Variants in RBFOX1 observed in about 807,000 individuals in gnomAD.
The protein encoded by RBFOX1 is RNA binding protein fox-1 homolog 1.
RBFOX1 carries 8 observed loss-of-function variants against 57.7 expected under a neutral mutation model. The ratio of observed to expected loss-of-function variants is 0.14; its 90% CI spans 0.08 to 0.25. The LOEUF (loss-of-function observed/expected upper bound fraction) is 0.25, where lower values mean the gene tolerates loss of function less well. Ranked by LOEUF, RBFOX1 falls within the 10% of genes least tolerant of loss-of-function variation. The probability of loss-of-function intolerance (pLI) is 1.00; values close to 1 mark genes in which losing one functional copy is unlikely to be tolerated. For missense variants in RBFOX1, 611 were observed against 548.5 expected, an observed-to-expected ratio of 1.11 and a Z score of -1.14; for synonymous variants, 326 against 222.4, an observed-to-expected ratio of 1.47 and a Z score of -4.15.
intron 3 of RBFOX1, among the ~76,000 whole-genome samples, chr16:5,753,121 C>G (rs2053270392): frequency 6.6e-6 from 1 of 151,854 alleles, no homozygotes; most frequent in Non-Finnish European, 1.5e-5. Flanking sequence ...GATCACACCA[C>G]TGCACTCCAG....
chr16:7,183,759 C>T (rs1433685067), intron 4 of RBFOX1, among the ~76,000 whole-genome samples: 3 of 152,178 alleles, frequency 2.0e-5, no homozygotes, highest in Non-Finnish European at 4.4e-5. Context: ...ATTGATAAAG[C>T]TTAGGAGGAC....
chr16:6,647,395 C>G (rs115263582), intron 2 of RBFOX1, among the ~76,000 whole-genome samples: 159 of 152,248 alleles, frequency 1.0e-3, no homozygotes, highest in African/African-American at 3.6e-3. Flanking sequence ...TAGATGCCCA[C>G]CACCATGCCT....
intron 3 of RBFOX1, among the ~76,000 whole-genome samples, chr16:7,022,645 G>A (rs1172373710): frequency 6.6e-6 from 1 of 152,000 alleles, no homozygotes; most frequent in Non-Finnish European, 1.5e-5. Context: ...GATATATTAG[G>A]CCCATCCCCG....
chr16:7,377,465 C>T (rs1426375816), intron 4 of RBFOX1, among the ~76,000 whole-genome samples: 1 of 152,190 alleles, frequency 6.6e-6, no homozygotes, highest in Non-Finnish European at 1.5e-5. Context: ...TTCAATATGA[C>T]AGCTTGGCTA....
chr16:6,793,190 T>C (rs533013741), intron 3 of RBFOX1, among the ~76,000 whole-genome samples: 13 of 152,202 alleles, frequency 8.5e-5, no homozygotes, highest in Non-Finnish European at 1.9e-4. Context: ...ATCCTGTTGA[T>C]CAAACAGTAT....
chr16:5,336,338 C>T (rs1414757146), intron 1 of RBFOX1, among the ~76,000 whole-genome samples: 2 of 152,122 alleles, frequency 1.3e-5, no homozygotes, highest in Admixed American at 1.3e-4. Context: ...ACAGGCTGTT[C>T]CTCATTATTT....
At chr16:6,132,244 C>T (rs1156946142) in intron 1 of RBFOX1, among the ~76,000 whole-genome samples, 2 of 152,180 alleles carry the variant, frequency 1.3e-5, no homozygotes, top group Non-Finnish European at 2.9e-5. Context: ...CAAGTATTCC[C>T]TTGGCTCTTC....
chr16:7,471,132 T>A (rs2061483128), intron 4 of RBFOX1, among the ~76,000 whole-genome samples: 2 of 152,184 alleles, frequency 1.3e-5, no homozygotes, highest in South Asian at 4.1e-4. Flanking sequence ...GTCTTGTTTA[T>A]TTGCCATTAT....
rs1360803847 is a variant in RBFOX1, at chr16:6,478,419, ATATATATATATTT to A, written c.-64+161364_-64+161376del. Among the ~76,000 whole-genome samples the A allele has an allele frequency of 2.1e-3, 29 of 13,788 alleles. No homozygotes were observed. The East Asian group carries it at 0.035, about 17-fold the overall frequency. 9.0% of individuals were successfully genotyped at this position (13,788 alleles called of 152,430 possible). A position where few individuals can be genotyped will look rare whatever the true frequency, so the allele number is the denominator to read the frequency against. Reference sequence around the variant, plus strand: ...TATATATATATATATATATATATATATATATATATATTTTTTTTTTTTTTTTTTGTATTTTTAG... The same window carrying A: ...TATATATATATATATATATATATATATTTTTTTTTTTTTTTGTATTTTTAG... On this transcript the variant is annotated intron_variant, in intron 2 of 15. Coordinates refer to ENST00000550418, the MANE Select transcript of RBFOX1 (RefSeq NM_018723.4).
chr16:7,030,600 C>T (rs1047309136), intron 3 of RBFOX1, among the ~76,000 whole-genome samples: 8 of 152,112 alleles, frequency 5.3e-5, no homozygotes, highest in Non-Finnish European at 5.9e-5. Context: ...TTTGCTATTT[C>T]GTATGTGGAC....
chr16:7,149,774 C>T (rs1016056369), intron 4 of RBFOX1, among the ~76,000 whole-genome samples: 1 of 152,112 alleles, frequency 6.6e-6, no homozygotes, highest in Non-Finnish European at 1.5e-5. Flanking sequence ...ACTGTAGCCC[C>T]AGTGACTTTT....
chr16:7,665,465 A>T (rs1268648288), intron 13 of RBFOX1, among the ~76,000 whole-genome samples: 1 of 152,108 alleles, frequency 6.6e-6, no homozygotes, highest in Non-Finnish European at 1.5e-5. Flanking sequence ...ACATCTCCTG[A>T]TTCTCTTAAT....
chr16:7,537,476 T>C (rs955472379), intron 5 of RBFOX1, among the ~76,000 whole-genome samples: 3 of 152,148 alleles, frequency 2.0e-5, no homozygotes, highest in Admixed American at 6.6e-5. Flanking sequence ...TGAACAAGTC[T>C]GACTTAGTAA....
intron 2 of RBFOX1, among the ~76,000 whole-genome samples, chr16:6,532,009 G>T (rs548517607): frequency 2.0e-5 from 3 of 152,294 alleles, no homozygotes; most frequent in Admixed American, 2.0e-4. Flanking sequence ...CCAAGCCACT[G>T]TGAGGTCTCC....
intron 2 of RBFOX1, among the ~76,000 whole-genome samples, chr16:6,327,120 C>G (rs1379589017): frequency 2.0e-5 from 3 of 152,194 alleles, no homozygotes; most frequent in Non-Finnish European, 4.4e-5. Context: ...TCCTTCTCCA[C>G]TTTCCTCTGC....
chr16:7,635,132 G>T (rs575280270), intron 11 of RBFOX1, among the ~76,000 whole-genome samples: 1 of 152,120 alleles, frequency 6.6e-6, no homozygotes, highest in Non-Finnish European at 1.5e-5. Context: ...ATCAAAATTG[G>T]CACCAGGCAG....
At chr16:6,348,651 G>A (rs1257382598) in intron 2 of RBFOX1, among the ~76,000 whole-genome samples, 1 of 152,184 alleles carries the variant, frequency 6.6e-6, no homozygotes, top group Non-Finnish European at 1.5e-5. Flanking sequence ...AGCAGGAGGA[G>A]GCATCTCAGA....
chr16:6,073,719 ATTAG>A (rs1181891524), intron 1 of RBFOX1, among the ~76,000 whole-genome samples: 2 of 152,206 alleles, frequency 1.3e-5, no homozygotes, highest in Non-Finnish European at 2.9e-5. Flanking sequence ...GAGTTTTTAT[ATTAG>A]TTGTTCCTCC....
intron 4 of RBFOX1, among the ~76,000 whole-genome samples, chr16:7,166,276 A>C (rs1238113531): frequency 2.1e-5 from 3 of 146,194 alleles, no homozygotes; most frequent in African/African-American, 2.4e-5. Flanking sequence ...GGACTTCCCA[A>C]GTGCTGGGAT....
Sources: gnomAD v4.1 joint callset for allele counts (sites outside exome capture counted in the v4.1 genomes callset) on GRCh38, gnomAD v4.1.1 for gene constraint, MANE v1.5 for transcripts, NCBI Gene and HGNC (gene_info 2026-07-23, HGNC 2026-07-21) for gene names.